PIAS3: variants seen among roughly 807,000 people sequenced by gnomAD.
PIAS3 encodes protein inhibitor of activated STAT 3, also known as E3 SUMO-protein ligase PIAS3.
Under a neutral mutation model 67.6 loss-of-function variants are expected in PIAS3, and 34 were observed. The ratio of observed to expected loss-of-function variants is 0.50; its 90% confidence interval spans 0.38 to 0.67. The LOEUF is 0.67. Ranked by LOEUF, PIAS3 falls within the 30% of genes least tolerant of loss-of-function variation. The pLI, the probability that PIAS3 is intolerant of heterozygous loss-of-function variation, is 0.00. For missense variants in PIAS3, 693 were observed against 791.6 expected (o/e 0.88, Z 1.49); for synonymous variants, 341 against 313.8 (o/e 1.09, Z -0.92).
rs1553735071 is a variant in PIAS3, at chr1:145,854,439, G to C, written c.910+19C>G. The C allele has an allele frequency of 1.3e-6, 2 of 1,532,370 alleles. No homozygotes were observed. The highest frequency in any genetic ancestry group is 1.1e-5 in the South Asian group (1 of 89,352). The allele number at this position is 1,532,370 out of a possible 1,614,324, so 94.9% of individuals were successfully genotyped here. ...TTGAATCCAGATCAGGTGGGGAAGA[G>C]AGGAAAGATGTTACTCACTCAGTGC... On this transcript the variant is annotated intron_variant, in intron 7 of 13. Coordinates refer to ENST00000393045, the MANE Select transcript of PIAS3 (RefSeq NM_006099.3).
chr1:145,856,342 T>C lies in PIAS3; in HGVS notation c.527+5A>G, dbSNP rs1653183033. On this transcript the variant is annotated splice_donor_5th_base_variant and intron_variant, in intron 3 of 13. Coordinates refer to ENST00000393045, the MANE Select transcript of PIAS3 (RefSeq NM_006099.3). ...GATGAGGCAGGAAGACTGGAAGAGA[T>C]GTACCTGGATGTAAGAATCTGCTGC... is the stretch of plus-strand genomic sequence containing the variant. 3 of 1,610,820 alleles carry C rather than the reference T, an allele frequency of 1.9e-6. No homozygotes were observed. Among genetic ancestry groups the C allele is most frequent in the South Asian group, 1.1e-5 (1 of 91,026 alleles).
intron 13 of PIAS3, 114 bp downstream of exon 13, chr1:145,850,118 C>G: frequency 6.4e-7 from 1 of 1,573,460 alleles, no homozygotes; most frequent in Non-Finnish European, 8.6e-7. Flanking sequence ...CCCCACTGCC[C>G]TCACGGGAAA....
Position 145,856,352 on chromosome 1 carries a change from T to C in PIAS3, c.522A>G (p.Thr174=), listed in dbSNP as rs2101685325. Residue 174 remains threonine (T), a synonymous_variant, in exon 3 of 14, where the codon ACA becomes ACG. Transcript: ENST00000393045. The part of the protein sequence containing the change: ...LTPQQVQQIL[T]SREVLPGAKC... ...GAAGACTGGAAGAGATGTACCTGGA[T>C]GTAAGAATCTGCTGCACTTGCTGGG... The C allele has an allele frequency of 6.2e-7, 1 of 1,612,982 alleles. No individual in the cohort carries two copies. The highest frequency in any genetic ancestry group is 8.5e-7 in the Non-Finnish European group (1 of 1,178,974).
chr1:145,851,043 G>C lies in PIAS3; in HGVS notation c.1256C>G (p.Pro419Arg), dbSNP rs782344665. ...KPKKEASEVC[P>R]PPGYGLDGLQ... The stretch of plus-strand genomic sequence containing the variant: ...ACCATCCAGCCCATACCCTGGCGGG[G>C]GGCAAACCTCAGATGCCTCCTTCTT... Residue 419 changes from proline (P) to arginine (R), a missense_variant, in exon 10 of 14, where the codon CCC becomes CGC. Transcript: ENST00000393045. The C allele has an allele frequency of 4.3e-6, 7 of 1,614,218 alleles. No homozygotes were observed. The Admixed American group carries it at 1.2e-4, about 27-fold the overall frequency.
rs587603675 is a variant in PIAS3 at position 145,858,947 on chromosome 1, T to TG, written c.24+19dup. The TG allele has an allele frequency of 7.1e-5, 108 of 1,518,436 alleles. No individual in the cohort carries two copies. Among genetic ancestry groups the TG allele is most frequent in the South Asian group, 4.3e-4 (35 of 80,788 alleles). 94.1% of individuals were successfully genotyped at this position (1,518,436 alleles called of 1,614,324 possible). On this transcript the variant is annotated intron_variant, in intron 1 of 13. Coordinates refer to ENST00000393045, the MANE Select transcript of PIAS3 (RefSeq NM_006099.3). ...CCGCCGGGCTGAGTCCAGATGGGGA[T>TG]GGGGGGAGGGGGCCGGTACCTTTAA...
intron 9 of PIAS3, 148 bp downstream of exon 9, chr1:145,853,356 G>C: frequency 1.8e-6 from 1 of 566,704 alleles, no homozygotes. Context: ...GTTGCAGTGA[G>C]CCAAGATTGT....
Position 145,850,246 on chromosome 1 carries a change from G to A in PIAS3, c.1606C>T (p.Gln536Ter). 1 of 1,614,176 alleles carries A rather than the reference G, an allele frequency of 6.2e-7. No individual in the cohort carries two copies. The highest frequency in any genetic ancestry group is 8.5e-7 in the Non-Finnish European group (1 of 1,180,000). The change falls in exon 13 of 14, where the codon CAG (glutamine) becomes TAG (stop). Residue 536 changes from glutamine (Q) to a stop codon, truncating the protein, a stop_gained. Transcript: ENST00000393045. LOFTEE classifies it high-confidence loss of function. ...GAACCACTTACCTGACTCTCTGTCT[G>A]AAGAAATGAAAATAAATCTAAACCT... The part of the protein sequence containing the change: ...IQGLDLFSFL[Q>*]TESQHYGPSV...
chr1:145,857,773 T>C (rs1653250688), intron 1 of PIAS3, among the ~76,000 whole-genome samples: 1 of 152,238 alleles, frequency 6.6e-6, no homozygotes, highest in South Asian at 2.1e-4. Flanking sequence ...CTGTTTACTC[T>C]ATCTGCCAGG....
chr1:145,853,220 G>A (rs760779593), intron 9 of PIAS3, among the ~76,000 whole-genome samples: 78 of 152,124 alleles, frequency 5.1e-4, no homozygotes, highest in Non-Finnish European at 9.7e-4. Flanking sequence ...GACCAGCCTG[G>A]CCAACATGGT....
intron 7 of PIAS3, chr1:145,854,116 G>C: frequency 1.7e-6 from 1 of 598,716 alleles, no homozygotes; most frequent in Non-Finnish European, 3.0e-6. Flanking sequence ...CTCTGGCTAT[G>C]TTAGAGATGA....
Position 145,848,757 on chromosome 1 carries a change from A to C in PIAS3, c.*689T>G. The stretch of plus-strand genomic sequence containing the variant: ...AAACACTGTGAACTTAGATATATAA[A>C]TAGAGAGAGACCCAAGCAATAGGCC... On this transcript the variant is annotated 3_prime_UTR_variant, in exon 14 of 14. Coordinates refer to ENST00000393045, the MANE Select transcript of PIAS3 (RefSeq NM_006099.3). 5.9e-6 allele frequency: 2 copies of C among 339,178 alleles called. No homozygotes were observed. 21.0% of individuals were successfully genotyped at this position (339,178 alleles called of 1,614,324 possible). A position where few individuals can be genotyped will look rare whatever the true frequency, so the allele number is the denominator to read the frequency against.
intron 7 of PIAS3, 196 bp from the exon 8 acceptor site, chr1:145,854,082 A>T: frequency 1.6e-6 from 1 of 606,716 alleles, no homozygotes; most frequent in East Asian, 2.7e-5. Context: ...CCCATCCCTG[A>T]AGATGCTTAA....
rs782786097 is a variant in PIAS3 at position 145,850,214 on chromosome 1, GAAGA to G, written c.1620+14_1620+17del. 3.5e-4 allele frequency: 563 copies of G among 1,614,154 alleles called. 4 individuals are homozygous for G. Among genetic ancestry groups the G allele is most frequent in the Admixed American group, 1.1e-3 (65 of 60,008 alleles). On this transcript the variant is annotated intron_variant, in intron 13 of 13. Coordinates refer to ENST00000393045, the MANE Select transcript of PIAS3 (RefSeq NM_006099.3). ...AAGCTTCAGAGATCTGAGACCTTCT[GAAGA>G]AAGAACCACTTACCTGACTCTCTGT...
At chr1:145,858,750 C>T (rs1178070889) in intron 1 of PIAS3, among the ~76,000 whole-genome samples, 1 of 150,302 alleles carries the variant, frequency 6.7e-6, no homozygotes. Context: ...CTGCAATTCC[C>T]CTCGGCCCCA....
intron 5 of PIAS3, 120 bp from the exon 6 acceptor site, chr1:145,855,000 T>A: frequency 8.3e-7 from 1 of 1,199,354 alleles, no homozygotes; most frequent in Non-Finnish European, 1.2e-6. Context: ...ACTCGCTCAC[T>A]CACTGACCAA....
chr1:145,855,641 G>A, intron 5 of PIAS3, 95 bp downstream of exon 5: 1 of 742,756 alleles, frequency 1.3e-6, no homozygotes, highest in Non-Finnish European at 2.4e-6. Flanking sequence ...GCCACGCACT[G>A]TGCTAGGCAT....
At chr1:145,858,606 T>C (rs1653287987) in intron 1 of PIAS3, among the ~76,000 whole-genome samples, 1 of 148,984 alleles carries the variant, frequency 6.7e-6, no homozygotes, top group African/African-American at 2.5e-5. Flanking sequence ...CTGTTGCATC[T>C]CTTGGCCTTG....
chr1:145,858,881 G>A, intron 1 of PIAS3, 86 bp downstream of exon 1: 4 of 1,288,196 alleles, frequency 3.1e-6, no homozygotes, highest in Non-Finnish European at 4.1e-6. Flanking sequence ...GCCCACCCGA[G>A]CCCCGGCACC....
rs1653063979 is a variant in PIAS3, at chr1:145,854,030, G to A, written c.911-144C>T. ...GGCCAGTGGGACGTCACATGGAAGTGGTCTGGGATATGGATGATGAAGGCT... is the reference window on the plus strand; with the variant it reads ...GGCCAGTGGGACGTCACATGGAAGTAGTCTGGGATATGGATGATGAAGGCT... On this transcript the variant is annotated intron_variant, in intron 7 of 13. Transcript: ENST00000393045. 6 of 657,196 alleles carry A rather than the reference G, an allele frequency of 9.1e-6. No individual in the cohort carries two copies. The East Asian group carries it at 1.1e-4, about 12-fold the overall frequency. The allele number at this position is 657,196 out of a possible 1,614,324, so 40.7% of individuals were successfully genotyped here.
Sources: gnomAD v4.1 joint callset for allele counts (sites outside exome capture counted in the v4.1 genomes callset) on GRCh38, gnomAD v4.1.1 for gene constraint, MANE v1.5 for transcripts, NCBI Gene and HGNC (gene_info 2026-07-23, HGNC 2026-07-21) for gene names.